Variants in PLCE1 observed in about 807,000 individuals in gnomAD.
The protein encoded by PLCE1 is phospholipase C epsilon 1, also known as 1-phosphatidylinositol 4,5-bisphosphate phosphodiesterase epsilon-1.
In PLCE1, 119 loss-of-function variants were observed where a neutral mutation model predicts 242.8. The ratio of observed to expected loss-of-function variants is 0.49; its 90% CI spans 0.42 to 0.57. PLCE1 has a LOEUF of 0.57. Among genes scored for constraint, PLCE1 ranks in the 20% least tolerant of loss-of-function variants. The pLI is 0.00. For synonymous variants in PLCE1, 945 were observed against 1,017.4 expected (o/e 0.93, Z 1.35); for missense variants, 2,441 against 2,788.8 (o/e 0.88, Z 2.81).
chr10:94,295,304 T>C (rs2052775638), intron 23 of PLCE1, among the ~76,000 whole-genome samples: 1 of 152,164 alleles, frequency 6.6e-6, no homozygotes, highest in African/African-American at 2.4e-5. Flanking sequence ...AAATCCTTTG[T>C]TGTCATTTCA....
intron 2 of PLCE1, among the ~76,000 whole-genome samples, chr10:94,109,991 T>C (rs1253768239): frequency 1.3e-5 from 2 of 151,648 alleles, no homozygotes; most frequent in Non-Finnish European, 2.9e-5. Flanking sequence ...TTAGAATCCT[T>C]TGGCAAATCA....
rs754994657 is a variant in PLCE1 at position 94,279,895 on chromosome 10, T to C, written c.4779T>C (p.Tyr1593=). ...EDEEDEYDYD[Y]ESLSDDNILE... ...AGGAGGACGAATATGATTATGACTA[T>C]GAATCCCTTTCTGATGGTAAGAGAA... The change falls in exon 20 of 33, where the codon TAT becomes TAC. Residue 1593 remains tyrosine, a synonymous_variant. Coordinates refer to ENST00000371380, the MANE Select transcript of PLCE1 (RefSeq NM_016341.4). The C allele has an allele frequency of 1.9e-6, 3 of 1,613,612 alleles. No homozygotes were observed. In the Admixed American group the frequency reaches 5.0e-5, roughly 27 times the overall value.
At chr10:94,029,889 C>T (rs914715254) in intron 1 of PLCE1, among the ~76,000 whole-genome samples, 41 of 152,240 alleles carry the variant, frequency 2.7e-4, no homozygotes, top group African/African-American at 3.1e-4. Flanking sequence ...TCATCATGGG[C>T]ACCTTCTAGT....
chr10:93,999,500 A>T (rs2060891506), intron 1 of PLCE1, among the ~76,000 whole-genome samples: 1 of 152,202 alleles, frequency 6.6e-6, no homozygotes, highest in Admixed American at 6.5e-5. Flanking sequence ...ATGGTATGTG[A>T]CTGTACGTGG....
chr10:94,326,503 T>C (rs1195658653), intron 32 of PLCE1, among the ~76,000 whole-genome samples: 1 of 152,238 alleles, frequency 6.6e-6, no homozygotes, highest in African/African-American at 2.4e-5. Flanking sequence ...TACACACCTC[T>C]ATAACTTCTG....
chr10:94,256,412 A>T (rs972523590), intron 11 of PLCE1, among the ~76,000 whole-genome samples: 2 of 151,948 alleles, frequency 1.3e-5, no homozygotes, highest in African/African-American at 4.8e-5. Context: ...ATTATCTTTT[A>T]AATAAAAATT....
intron 22 of PLCE1, chr10:94,287,614 G>A (rs2052500118): frequency 6.6e-6 from 1 of 151,950 alleles, no homozygotes; most frequent in African/African-American, 2.4e-5. Context: ...CCCAGGGGTG[G>A]GCTCTTTGCA....
chr10:94,219,799 G>A (rs752804078), intron 4 of PLCE1, among the ~76,000 whole-genome samples: 3 of 152,132 alleles, frequency 2.0e-5, no homozygotes, highest in African/African-American at 4.8e-5. Context: ...TACTGGAGAC[G>A]TAAATTTAGA....
intron 4 of PLCE1, among the ~76,000 whole-genome samples, chr10:94,190,789 GA>G (rs2048636436): frequency 1.3e-5 from 2 of 152,240 alleles, no homozygotes. Context: ...AGTAAAGTAT[GA>G]TCTTTAAATG....
At chr10:94,169,959 G>A (rs2047922393) in intron 3 of PLCE1, among the ~76,000 whole-genome samples, 1 of 152,190 alleles carries the variant, frequency 6.6e-6, no homozygotes, top group Non-Finnish European at 1.5e-5. Context: ...GTTTGCTGAG[G>A]ACAGAGAAAT....
intron 1 of PLCE1, among the ~76,000 whole-genome samples, chr10:94,007,044 G>T (rs1446644231): frequency 6.6e-6 from 1 of 152,152 alleles, no homozygotes; most frequent in East Asian, 1.9e-4. Flanking sequence ...TTGGATATTT[G>T]GGGGTGGGTG....
At chr10:94,261,132 G>A (rs2132986697) in intron 13 of PLCE1, among the ~76,000 whole-genome samples, 1 of 152,170 alleles carries the variant, frequency 6.6e-6, no homozygotes. Context: ...AGTTCCTTAT[G>A]CTTCATTTTT....
At chr10:94,000,697 G>C (rs1245600444) in intron 1 of PLCE1, among the ~76,000 whole-genome samples, 1 of 152,188 alleles carries the variant, frequency 6.6e-6, no homozygotes, top group Non-Finnish European at 1.5e-5. Flanking sequence ...TGCAGCTGCA[G>C]GTCTTACTTC....
chr10:94,321,453 G>A (rs538092200), intron 29 of PLCE1, among the ~76,000 whole-genome samples: 5 of 152,224 alleles, frequency 3.3e-5, no homozygotes, highest in East Asian at 1.9e-4. Flanking sequence ...CCAGCATGGC[G>A]AAACCCTGTC....
intron 4 of PLCE1, among the ~76,000 whole-genome samples, chr10:94,200,619 C>G (rs1316990577): frequency 6.6e-6 from 1 of 152,146 alleles, no homozygotes; most frequent in Non-Finnish European, 1.5e-5. Flanking sequence ...GCCTAACTCC[C>G]TACTTGTTAA....
At chr10:94,138,715 G>C (rs184700702) in intron 3 of PLCE1, 4 of 273,118 alleles carry the variant, frequency 1.5e-5, no homozygotes, top group Non-Finnish European at 2.1e-5. Context: ...CTGTGGCCCT[G>C]GACACAGAGA....
chr10:94,185,520 A>G (rs915629804), intron 4 of PLCE1, among the ~76,000 whole-genome samples: 2 of 152,206 alleles, frequency 1.3e-5, no homozygotes, highest in African/African-American at 4.8e-5. Flanking sequence ...ATGTCTGGGC[A>G]TGAACATGGG....
intron 3 of PLCE1, among the ~76,000 whole-genome samples, chr10:94,168,334 A>C (rs985822199): frequency 1.3e-5 from 2 of 152,246 alleles, no homozygotes; most frequent in Admixed American, 6.5e-5. Flanking sequence ...GGAACTTAGA[A>C]GACAAAGAAT....
intron 5 of PLCE1, among the ~76,000 whole-genome samples, chr10:94,229,769 T>C (rs2050080533): frequency 6.6e-6 from 1 of 152,226 alleles, no homozygotes; most frequent in Non-Finnish European, 1.5e-5. Context: ...GACCTCAACA[T>C]TGATCCCAGT....
Sources: allele counts gnomAD v4.1 joint callset (sites outside exome capture counted in the v4.1 genomes callset), GRCh38; gene constraint gnomAD v4.1.1; transcripts MANE v1.5; gene names NCBI Gene and HGNC (gene_info 2026-07-23, HGNC 2026-07-21).